The following CYP20A1 variants were observed in gnomAD, a reference collection of about 807,000 sequenced individuals.
CYP20A1 encodes cytochrome P450 family 20 subfamily A member 1.
CYP20A1 carries 61 observed loss-of-function variants against 61.4 expected under a neutral mutation model. That is an observed-to-expected ratio of 0.99 (90% confidence interval 0.81 to 1.23). The LOEUF is 1.23. Among genes scored for constraint, CYP20A1 ranks in the 50% most tolerant of loss-of-function variants. The pLI, the probability that CYP20A1 is intolerant of heterozygous loss-of-function variation, is 0.00. For synonymous variants in CYP20A1, 193 were observed against 188.2 expected (o/e 1.03, Z -0.21); for missense variants, 530 against 542.4 (o/e 0.98, Z 0.23).
intron 11 of CYP20A1, 150 bp from the exon 12 acceptor site, chr2:203,296,324 C>T: frequency 2.0e-6 from 1 of 507,802 alleles, no homozygotes; most frequent in African/African-American, 2.0e-5. Context: ...AATTTGGGAA[C>T]ATAAAAATAA....
intron 3 of CYP20A1, among the ~76,000 whole-genome samples, chr2:203,250,156 A>G (rs1051229087): frequency 2.0e-5 from 3 of 152,056 alleles, no homozygotes; most frequent in Non-Finnish European, 2.9e-5. Flanking sequence ...GTGAGAAAAT[A>G]TTTATATTAG....
chr2:203,289,669 T>C, intron 9 of CYP20A1, 96 bp from the exon 10 acceptor site: 2 of 529,292 alleles, frequency 3.8e-6, no homozygotes, highest in Non-Finnish European at 6.8e-6. Context: ...AAGTTGGGAA[T>C]GTTTGAGCAG....
chr2:203,252,187 A>G, intron 4 of CYP20A1, 78 bp downstream of exon 4: 1 of 1,126,164 alleles, frequency 8.9e-7, no homozygotes, highest in Middle Eastern at 2.2e-4. Context: ...GGTGTGTACT[A>G]TCTTTGTTAC....
At position 203,302,753 on chromosome 2, in the gene CYP20A1, C is replaced by T. The variant is rs545209734; in HGVS notation, c.*5845C>T. On this transcript the variant is annotated 3_prime_UTR_variant, in exon 13 of 13. Coordinates refer to ENST00000356079, the MANE Select transcript of CYP20A1 (RefSeq NM_177538.3). ...CTGTCACCAGGCTGGAATGCAGTGG[C>T]GTGATCTCGGCTCACTGCAACCTCT... is the stretch of plus-strand genomic sequence containing the variant. Among the ~76,000 whole-genome samples, 2 of 152,200 alleles carry T rather than the reference C, an allele frequency of 1.3e-5. No individual in the cohort carries two copies. The highest frequency in any genetic ancestry group is 2.1e-4 in the South Asian group (1 of 4,824).
At chr2:203,281,663 T>C (rs936991573) in intron 8 of CYP20A1, among the ~76,000 whole-genome samples, 1 of 151,796 alleles carries the variant, frequency 6.6e-6, no homozygotes. Context: ...TAGCCAAGTG[T>C]GGGGGCACAT....
chr2:203,270,081 A>G (rs1049301709), intron 5 of CYP20A1, among the ~76,000 whole-genome samples: 2 of 151,586 alleles, frequency 1.3e-5, no homozygotes, highest in African/African-American at 2.4e-5. Flanking sequence ...ACAAAACCCC[A>G]TCTTTGCCAA....
In CYP20A1 at chr2:203,300,891, G is replaced by GAAA. The variant is rs1163039964; in HGVS notation, c.*4003_*4005dup. ...GCAATAAGAGCAAAACTCCGTCTCAGAAAAAAAAAAAAAAAAAAAAAACGG... is the reference window on the plus strand; with the variant it reads ...GCAATAAGAGCAAAACTCCGTCTCAGAAAAAAAAAAAAAAAAAAAAAAAAACGG... On this transcript the variant is annotated 3_prime_UTR_variant, in exon 13 of 13. Transcript: ENST00000356079. 1.4e-4 allele frequency among the ~76,000 whole-genome samples: 5 copies of GAAA among 37,026 alleles called. No homozygotes were observed. The highest frequency in any genetic ancestry group is 2.3e-4 in the African/African-American group (3 of 12,874). 24.3% of individuals were successfully genotyped at this position (37,026 alleles called of 152,430 possible). A position where few individuals can be genotyped will look rare whatever the true frequency, so the allele number is the denominator to read the frequency against.
At chr2:203,270,912 C>T (rs1043181980) in intron 5 of CYP20A1, among the ~76,000 whole-genome samples, 2 of 145,782 alleles carry the variant, frequency 1.4e-5, no homozygotes, top group East Asian at 2.0e-4. Flanking sequence ...ACCATGTTCT[C>T]GAACTCCTTA....
intron 9 of CYP20A1, among the ~76,000 whole-genome samples, chr2:203,288,493 C>A (rs1189557381): frequency 6.6e-6 from 1 of 152,130 alleles, no homozygotes; most frequent in Non-Finnish European, 1.5e-5. Context: ...TATGTCCTAT[C>A]CAATCTGCCT....
At chr2:203,264,940 A>G (rs2152073657) in intron 4 of CYP20A1, among the ~76,000 whole-genome samples, 1 of 152,156 alleles carries the variant, frequency 6.6e-6, no homozygotes, top group South Asian at 2.1e-4. Context: ...CACGTTAGCC[A>G]GGATGGTCTT....
intron 8 of CYP20A1, among the ~76,000 whole-genome samples, chr2:203,282,500 C>G (rs915998199): frequency 6.6e-6 from 1 of 151,960 alleles, no homozygotes; most frequent in Non-Finnish European, 1.5e-5. Context: ...ATTTAAAATC[C>G]TTGTTTTTAA....
chr2:203,291,154 C>G (rs571685283), intron 10 of CYP20A1, among the ~76,000 whole-genome samples: 2 of 152,130 alleles, frequency 1.3e-5, no homozygotes, highest in African/African-American at 4.8e-5. Flanking sequence ...CCTCGACCTC[C>G]CAGGCTTAAG....
intron 3 of CYP20A1, among the ~76,000 whole-genome samples, 174 bp from the exon 4 acceptor site, chr2:203,251,793 G>GTACATATATATA (rs1553513991): frequency 6.7e-4 from 43 of 64,166 alleles, no homozygotes; most frequent in African/African-American, 1.8e-3. Flanking sequence ...ATATATATGT[G>GTACATATATATA]TATATATATA....
Position 203,301,914 on chromosome 2 carries a change from C to CTGTTTTT in CYP20A1, c.*5007_*5008insGTTTTTT, listed in dbSNP as rs2069037913. 9.7e-6 allele frequency among the ~76,000 whole-genome samples: 1 copy of CTGTTTTT among 103,550 alleles called. No individual in the cohort carries two copies. Among genetic ancestry groups the CTGTTTTT allele is most frequent in the Non-Finnish European group, 1.8e-5 (1 of 54,856 alleles). 67.9% of individuals were successfully genotyped at this position (103,550 alleles called of 152,430 possible). A position where few individuals can be genotyped will look rare whatever the true frequency, so the allele number is the denominator to read the frequency against. ...TTTGAAGTTAACCACTGTTAAGATT[C>CTGTTTTT]TTTTTTTTTTTTTTTTTTTTTTGTT... is the stretch of plus-strand genomic sequence containing the variant. On this transcript the variant is annotated 3_prime_UTR_variant, in exon 13 of 13. Coordinates refer to ENST00000356079, the MANE Select transcript of CYP20A1 (RefSeq NM_177538.3).
Position 203,239,120 on chromosome 2 carries a change from C to T in CYP20A1, c.58C>T (p.Leu20Phe), listed in dbSNP as rs371549255. 3.4e-5 allele frequency: 55 copies of T among 1,613,242 alleles called. No individual in the cohort carries two copies. The African/African-American group carries it at 7.1e-4, about 21-fold the overall frequency. The stretch of plus-strand genomic sequence containing the variant: ...CTTGCTGGCGTTGGTGGGAGCCGTG[C>T]TCTACCTCTATCCGGTGAGCGCCGT... ...TFLLALVGAV[L>F]YLYPASRQAA... Residue 20 changes from leucine (L) to phenylalanine (F), a missense_variant, in exon 1 of 13, where the codon CTC becomes TTC. Physicochemically the swap from Leu to Phe is conservative, Grantham distance 22. Coordinates refer to ENST00000356079, the MANE Select transcript of CYP20A1 (RefSeq NM_177538.3).
At chr2:203,290,532 CT>C (rs2068489494) in intron 10 of CYP20A1, among the ~76,000 whole-genome samples, 1 of 152,028 alleles carries the variant, frequency 6.6e-6, no homozygotes, top group Non-Finnish European at 1.5e-5. Flanking sequence ...CTTTAATTTT[CT>C]TTTATTGAAT....
At chr2:203,271,082 ATTTTTT>A (rs1161241853) in intron 5 of CYP20A1, among the ~76,000 whole-genome samples, 442 of 31,486 alleles carry the variant, frequency 0.014, 2 homozygotes, top group East Asian at 0.045. Context: ...ATATATATAT[ATTTTTT>A]TTTTTTTTTT....
intron 8 of CYP20A1, among the ~76,000 whole-genome samples, chr2:203,283,456 T>C (rs2068129420): frequency 2.0e-5 from 3 of 151,806 alleles, no homozygotes; most frequent in South Asian, 4.1e-4. Flanking sequence ...GACCTCGTGA[T>C]CTGCCCGCCT....
intron 3 of CYP20A1, 67 bp downstream of exon 3, chr2:203,246,988 C>T (rs770676724): frequency 5.8e-5 from 86 of 1,484,148 alleles, no homozygotes; most frequent in Middle Eastern, 5.3e-4. Flanking sequence ...AGGCTGGGCA[C>T]GGTGGCTCAC....
Sources: allele counts gnomAD v4.1 joint callset (sites outside exome capture counted in the v4.1 genomes callset), GRCh38; gene constraint gnomAD v4.1.1; transcripts MANE v1.5; gene names NCBI Gene and HGNC (gene_info 2026-07-23, HGNC 2026-07-21).